The following IFT80 variants were observed in gnomAD, a reference collection of about 807,000 sequenced individuals.
IFT80 encodes intraflagellar transport 80, also known as intraflagellar transport protein 80 homolog.
IFT80 carries 79 observed loss-of-function variants against 107.9 expected under a neutral mutation model. The ratio of observed to expected loss-of-function variants is 0.73; its 90% CI spans 0.61 to 0.88. The LOEUF (loss-of-function observed/expected upper bound fraction) is 0.88, where lower values mean the gene tolerates loss of function less well. Among genes scored for constraint, IFT80 ranks in the 40% least tolerant of loss-of-function variants. The pLI is 0.00. For synonymous variants in IFT80, 299 were observed against 300.9 expected, an observed-to-expected ratio of 0.99 and a Z score of 0.07; for missense variants, 797 against 914.2, an observed-to-expected ratio of 0.87 and a Z score of 1.65.
chr3:160,355,090 G>A (rs78718685), intron 8 of IFT80, among the ~76,000 whole-genome samples: 5,288 of 152,200 alleles, frequency 0.035, 320 homozygotes, highest in African/African-American at 0.12. Flanking sequence ...GTACTTCAAC[G>A]AACAATTCAT....
chr3:160,355,054 T>C (rs1439437200), intron 8 of IFT80, among the ~76,000 whole-genome samples: 1 of 152,242 alleles, frequency 6.6e-6, no homozygotes, highest in East Asian at 1.9e-4. Flanking sequence ...AAACTCTTTT[T>C]ACCACATAAT....
intron 19 of IFT80, among the ~76,000 whole-genome samples, chr3:160,261,766 C>A (rs557471184): frequency 6.9e-6 from 1 of 145,326 alleles, no homozygotes; most frequent in African/African-American, 2.6e-5. Context: ...TGTGCCACTG[C>A]ACTCCAGCCT....
intron 1 of IFT80, among the ~76,000 whole-genome samples, chr3:160,385,457 C>T (rs1336068654): frequency 2.6e-5 from 4 of 152,104 alleles, no homozygotes; most frequent in Non-Finnish European, 4.4e-5. Flanking sequence ...GGAAAAAATC[C>T]TCTTTACTAA....
rs752091335 is a variant in IFT80 at position 160,319,907 on chromosome 3, G to T, written c.810C>A (p.Gly270=). 1.9e-6 allele frequency: 3 copies of T among 1,611,958 alleles called. No homozygotes were observed. Among genetic ancestry groups the T allele is most frequent in the Non-Finnish European group, 1.7e-6 (2 of 1,179,092 alleles). Residue 270 remains glycine, a synonymous_variant, in exon 9 of 20, where the codon GGC becomes GGA. Transcript: ENST00000326448. ...WSYALEKPNT[G]SIFNIAWSID... Reference sequence around the variant, plus strand: ...TAGACCATGCAATATTAAATATGCTGCCAGTGTTGGGTTTTTCTAATGCAT... The same window carrying T: ...TAGACCATGCAATATTAAATATGCTTCCAGTGTTGGGTTTTTCTAATGCAT...
intron 12 of IFT80, among the ~76,000 whole-genome samples, chr3:160,289,025 C>T (rs951005318): frequency 1.3e-5 from 2 of 151,240 alleles, no homozygotes; most frequent in East Asian, 1.9e-4. Flanking sequence ...CACTGCAACA[C>T]CTATTCACAA....
At chr3:160,364,951 T>G (rs755426611) in intron 6 of IFT80, among the ~76,000 whole-genome samples, 116 of 151,524 alleles carry the variant, frequency 7.7e-4, no homozygotes, top group Non-Finnish European at 1.1e-3. Context: ...TGTATACCTA[T>G]GTAACAAACC....
At chr3:160,326,643 C>G (rs1718695840) in intron 8 of IFT80, among the ~76,000 whole-genome samples, 1 of 151,994 alleles carries the variant, frequency 6.6e-6, no homozygotes, top group East Asian at 1.9e-4. Flanking sequence ...GTTAAAAACT[C>G]TCAATAAACT....
At chr3:160,308,575 G>A (rs1198155002) in intron 9 of IFT80, among the ~76,000 whole-genome samples, 1 of 151,830 alleles carries the variant, frequency 6.6e-6, no homozygotes, top group Non-Finnish European at 1.5e-5. Context: ...AAATATAGGG[G>A]AAAAAAGTAA....
intron 1 of IFT80, among the ~76,000 whole-genome samples, chr3:160,397,845 C>A (rs998781157): frequency 2.6e-5 from 4 of 151,862 alleles, no homozygotes; most frequent in Non-Finnish European, 5.9e-5. Flanking sequence ...TCTCAGCCTC[C>A]CTAGTAGCTG....
In IFT80 at chr3:160,258,497, T is replaced by C. The variant is rs879223352; in HGVS notation, c.*28A>G. On this transcript the variant is annotated 3_prime_UTR_variant, in exon 20 of 20. Transcript: ENST00000326448. The stretch of plus-strand genomic sequence containing the variant: ...GTTAATCAGAACGTGTTTCAAAAGA[T>C]AAAATTTCTTAAAGATACGCATGGC... The C allele has an allele frequency of 1.2e-6, 2 of 1,613,182 alleles. No individual in the cohort carries two copies. Among genetic ancestry groups the C allele is most frequent in the East Asian group, 4.5e-5 (2 of 44,818 alleles).
At chr3:160,318,192 C>A (rs1271650250) in intron 9 of IFT80, among the ~76,000 whole-genome samples, 2 of 151,350 alleles carry the variant, frequency 1.3e-5, no homozygotes, top group Non-Finnish European at 1.5e-5. Context: ...GTATACTAGT[C>A]TGTGTGTGTT....
intron 12 of IFT80, among the ~76,000 whole-genome samples, chr3:160,292,475 C>CT (rs142116230): frequency 0.029 from 3,363 of 115,348 alleles, 76 homozygotes; most frequent in Non-Finnish European, 0.039. Context: ...AGAGAGATTC[C>CT]TTTTTTTTTT....
At chr3:160,337,579 G>A (rs993660907) in intron 8 of IFT80, among the ~76,000 whole-genome samples, 8 of 152,028 alleles carry the variant, frequency 5.3e-5, no homozygotes, top group Non-Finnish European at 7.4e-5. Flanking sequence ...AGCTGAGATC[G>A]TGCCACTGTA....
chr3:160,293,156 A>G (rs1715702082), intron 12 of IFT80, among the ~76,000 whole-genome samples: 2 of 152,246 alleles, frequency 1.3e-5, no homozygotes. Flanking sequence ...TCAGAGCAAA[A>G]GAATGATATT....
rs147282876 is a variant in IFT80, at chr3:160,301,671, C to T, written c.1152-625G>A. ...CAGATTCATCTGCTATGCTGACAACCATATTTAAGGCACAGGGCTCTCTGT... is the reference window on the plus strand; with the variant it reads ...CAGATTCATCTGCTATGCTGACAACTATATTTAAGGCACAGGGCTCTCTGT... On this transcript the variant is annotated intron_variant, in intron 11 of 19. Coordinates refer to ENST00000326448, the MANE Select transcript of IFT80 (RefSeq NM_020800.3). 2.6e-4 allele frequency among the ~76,000 whole-genome samples: 40 copies of T among 151,958 alleles called. 1 individual carries two copies. The highest frequency in any genetic ancestry group is 9.4e-4 in the African/African-American group (39 of 41,532).
chr3:160,313,031 TA>T lies in IFT80; in HGVS notation c.958-5251del, dbSNP rs1296601617. On this transcript the variant is annotated intron_variant, in intron 9 of 19. Coordinates refer to ENST00000326448, the MANE Select transcript of IFT80 (RefSeq NM_020800.3). ...TAATATATAATAAATATATATTATA[TA>T]TAAATATATAATATATAATAAATAT... is the stretch of plus-strand genomic sequence containing the variant. Among the ~76,000 whole-genome samples, 6 of 90,836 alleles carry T rather than the reference TA, an allele frequency of 6.6e-5. No individual in the cohort carries two copies. In the Admixed American group the frequency reaches 9.6e-4, roughly 15 times the overall value. 59.6% of individuals were successfully genotyped at this position (90,836 alleles called of 152,430 possible).
chr3:160,272,453 G>T (rs571713111), intron 18 of IFT80, among the ~76,000 whole-genome samples: 2 of 152,092 alleles, frequency 1.3e-5, no homozygotes, highest in Admixed American at 6.6e-5. Context: ...GATCATTGTC[G>T]AAGTGAATGA....
chr3:160,332,190 T>C (rs922092342), intron 8 of IFT80, among the ~76,000 whole-genome samples: 3 of 152,208 alleles, frequency 2.0e-5, no homozygotes, highest in South Asian at 2.1e-4. Context: ...TTAAGTGAGG[T>C]ATTTAAGTTA....
At chr3:160,280,903 C>T (rs1714640537) in intron 14 of IFT80, 89 bp from the exon 15 acceptor site, 3 of 1,156,230 alleles carry the variant, frequency 2.6e-6, no homozygotes. Flanking sequence ...AACAAAATCC[C>T]ATACAATTTC....
Sources: gnomAD v4.1 joint callset for allele counts (sites outside exome capture counted in the v4.1 genomes callset) on GRCh38, gnomAD v4.1.1 for gene constraint, MANE v1.5 for transcripts, NCBI Gene and HGNC (gene_info 2026-07-23, HGNC 2026-07-21) for gene names.